Variants in ANO2 observed in about 807,000 individuals in gnomAD.
ANO2 encodes anoctamin-2.
A neutral mutation model predicts 124.2 loss-of-function variants in ANO2; 101 were observed. The ratio of observed to expected loss-of-function variants is 0.81; its 90% confidence interval spans 0.69 to 0.96. The LOEUF (loss-of-function observed/expected upper bound fraction) is 0.96. ANO2 is among the 40% of genes least tolerant of loss of function. The pLI is 0.00. For missense variants in ANO2, 1,293 were observed against 1,274.5 expected (o/e 1.01, Z -0.22); for synonymous variants, 486 against 482.5 (o/e 1.01, Z -0.09).
intron 3 of ANO2, among the ~76,000 whole-genome samples, chr12:5,913,666 C>T (rs764397598): frequency 2.0e-4 from 31 of 152,224 alleles, no homozygotes; most frequent in South Asian, 4.1e-4. Context: ...TTAGTGGCAG[C>T]GTGACCTTGG....
At chr12:5,829,712 G>A (rs964180316) in intron 6 of ANO2, among the ~76,000 whole-genome samples, 1 of 152,124 alleles carries the variant, frequency 6.6e-6, no homozygotes, top group African/African-American at 2.4e-5. Flanking sequence ...TGACCTCTAG[G>A]GTGATAGAGA....
rs1942023871 is a variant in ANO2, at chr12:5,925,150, G to A, written c.23-2346C>T. Reference sequence around the variant, plus strand: ...CCAAGACCACTGGATACATCACTGGGGAACATGATAAAGATGATGTTCACT... The same window carrying A: ...CCAAGACCACTGGATACATCACTGGAGAACATGATAAAGATGATGTTCACT... On this transcript the variant is annotated intron_variant, in intron 1 of 24. Transcript: ENST00000682330. The surrounding 1 kb of genome is among the most constrained non-coding windows in gnomAD (Gnocchi z 4.6). 6.6e-6 allele frequency among the ~76,000 whole-genome samples: 1 copy of A among 152,010 alleles called. No individual in the cohort carries two copies. The highest frequency in any genetic ancestry group is 6.6e-5 in the Admixed American group (1 of 15,258).
At chr12:5,634,747 C>T (rs1002911231) in intron 16 of ANO2, among the ~76,000 whole-genome samples, 3 of 152,152 alleles carry the variant, frequency 2.0e-5, no homozygotes, top group African/African-American at 7.2e-5. Flanking sequence ...GCTCAAGTGT[C>T]AAAAGGCTTT....
At chr12:5,788,944 T>C (rs1163123168) in intron 10 of ANO2, among the ~76,000 whole-genome samples, 2 of 152,240 alleles carry the variant, frequency 1.3e-5, no homozygotes, top group Non-Finnish European at 2.9e-5. Context: ...CTGGGGGCTC[T>C]GCCTTCTTTT....
At chr12:5,833,689 TC>T (rs1954227584) in intron 4 of ANO2, among the ~76,000 whole-genome samples, 1 of 152,124 alleles carries the variant, frequency 6.6e-6, no homozygotes. Flanking sequence ...CATTAGATTC[TC>T]ATAGGAGCGT....
At chr12:5,850,085 G>A (rs372415606) in intron 4 of ANO2, among the ~76,000 whole-genome samples, 49 of 152,106 alleles carry the variant, frequency 3.2e-4, no homozygotes, top group East Asian at 1.7e-3. Context: ...AACACCCTCC[G>A]TGAGCTCCAC....
intron 14 of ANO2, among the ~76,000 whole-genome samples, chr12:5,705,647 A>C (rs369705607): frequency 6.6e-6 from 1 of 152,242 alleles, no homozygotes; most frequent in South Asian, 2.1e-4. Context: ...ATTCTTACAA[A>C]CCCCAATACT....
intron 10 of ANO2, among the ~76,000 whole-genome samples, chr12:5,799,269 T>A (rs1952964657): frequency 6.6e-6 from 1 of 152,160 alleles, no homozygotes; most frequent in African/African-American, 2.4e-5. Flanking sequence ...GTTGAAGACC[T>A]CAAGGTGCAG....
At chr12:5,782,309 ACATATCTGTG>A (rs1278071348) in intron 10 of ANO2, among the ~76,000 whole-genome samples, 1 of 152,126 alleles carries the variant, frequency 6.6e-6, no homozygotes, top group Non-Finnish European at 1.5e-5. Flanking sequence ...AACCTTTTTA[ACATATCTGTG>A]CCTGTATATT....
rs1029523264 is a variant in ANO2, at chr12:5,599,210, G to C, written c.2233+274C>G. Among the ~76,000 whole-genome samples, 85 of 152,164 alleles carry C rather than the reference G, an allele frequency of 5.6e-4. 1 individual carries two copies. The highest frequency in any genetic ancestry group is 5.6e-3 in the Admixed American group (85 of 15,270). The stretch of plus-strand genomic sequence containing the variant: ...AGAGATCAAACTTTAGTTTATAGAT[G>C]AGGAGAGGAATCACAAGGAAAAGAG... On this transcript the variant is annotated intron_variant, in intron 20 of 24. Transcript: ENST00000682330.
chr12:5,754,562 G>T (rs1490711458), intron 10 of ANO2, among the ~76,000 whole-genome samples: 1 of 152,076 alleles, frequency 6.6e-6, no homozygotes, highest in African/African-American at 2.4e-5. Context: ...TCTTTGCTGA[G>T]AGTTTTGTTT....
At chr12:5,750,715 G>A (rs986662090) in intron 11 of ANO2, 121 bp downstream of exon 11, 40 of 1,046,562 alleles carry the variant, frequency 3.8e-5, no homozygotes, top group Non-Finnish European at 5.2e-5. Flanking sequence ...GTGTCATAGC[G>A]AAGGAGAATG....
intron 7 of ANO2, among the ~76,000 whole-genome samples, chr12:5,823,373 G>A (rs1953864793): frequency 6.6e-6 from 1 of 152,168 alleles, no homozygotes. Context: ...TAAAATGGGG[G>A]TACAGGTATT....
rs1039387751 is a variant in ANO2, at chr12:5,925,379, G to A, written c.23-2575C>T. On this transcript the variant is annotated intron_variant, in intron 1 of 24. Coordinates refer to ENST00000682330, the MANE Select transcript of ANO2 (RefSeq NM_001364791.2). This position sits in a 1 kb window ranked among gnomAD's most constrained non-coding sequence, Gnocchi z 4.6. ...TCCCCCGGCTCGCTCTCTGACACAC[G>A]GATCCGGCTGCCTGGGAACTCTGCT... Among the ~76,000 whole-genome samples the A allele has an allele frequency of 5.9e-5, 9 of 152,246 alleles. No homozygotes were observed. In the South Asian group the frequency reaches 1.0e-3, roughly 18 times the overall value.
At position 5,827,790 on chromosome 12, in the gene ANO2, AGC is replaced by A; in HGVS notation, c.869_870del (p.Cys290PhefsTer10). On this transcript the variant is annotated frameshift_variant, in exon 7 of 25. Coordinates refer to ENST00000682330, the MANE Select transcript of ANO2 (RefSeq NM_001364791.2). LOFTEE classifies it high-confidence loss of function. ...TTACCCATCGTGTTGTTGGCTCGGG[AGC>A]AGGCTGTGCGCTTCAGGATCTCGTG... Reference protein sequence around the residue: ...IVHEILKRTACSRANNTMGIN... With the variant: ...IVHEILKRTAXSRANNTMGIN... 6.2e-7 allele frequency: 1 copy of A among 1,611,670 alleles called. No individual in the cohort carries two copies. Among genetic ancestry groups the A allele is most frequent in the East Asian group, 2.2e-5 (1 of 44,798 alleles).
intron 10 of ANO2, among the ~76,000 whole-genome samples, chr12:5,764,236 C>T (rs1429091945): frequency 1.3e-5 from 2 of 152,210 alleles, no homozygotes; most frequent in Non-Finnish European, 2.9e-5. Flanking sequence ...TCCAAAGTCA[C>T]ACAGCTAGTA....
At chr12:5,628,717 C>T (rs1250525768) in intron 16 of ANO2, among the ~76,000 whole-genome samples, 1 of 152,092 alleles carries the variant, frequency 6.6e-6, no homozygotes. Context: ...TGCACATGTG[C>T]ATGCATGCAT....
chr12:5,828,812 T>C (rs1284174679), intron 6 of ANO2, among the ~76,000 whole-genome samples: 1 of 152,148 alleles, frequency 6.6e-6, no homozygotes, highest in Non-Finnish European at 1.5e-5. Flanking sequence ...TGCCAGTCTA[T>C]AAAGAGATGC....
chr12:5,872,397 T>C (rs1937760534), intron 3 of ANO2, among the ~76,000 whole-genome samples: 1 of 152,172 alleles, frequency 6.6e-6, no homozygotes, highest in African/African-American at 2.4e-5. Context: ...CAATCTATGA[T>C]GAGCAACCCT....
Sources: allele counts gnomAD v4.1 joint callset (sites outside exome capture counted in the v4.1 genomes callset), GRCh38; gene constraint gnomAD v4.1.1; non-coding constraint Gnocchi (gnomAD v3.1); transcripts MANE v1.5; gene names NCBI Gene and HGNC (gene_info 2026-07-23, HGNC 2026-07-21).